IMPG2: variants seen among roughly 807,000 people sequenced by gnomAD.
IMPG2 encodes the protein interphotoreceptor matrix proteoglycan 2.
A neutral mutation model predicts 129.2 loss-of-function variants in IMPG2; 91 were observed. The observed-to-expected ratio is 0.70, with a 90% confidence interval of 0.59 to 0.84. The LOEUF (loss-of-function observed/expected upper bound fraction) is 0.84. Ranked by LOEUF, IMPG2 falls within the 40% of genes least tolerant of loss-of-function variation. IMPG2 has a pLI of 0.00. For missense variants in IMPG2, 1,430 were observed against 1,461.7 expected, an observed-to-expected ratio of 0.98 and a Z score of 0.35; for synonymous variants, 510 against 517.7, an observed-to-expected ratio of 0.99 and a Z score of 0.20.
rs1491501894 is a variant in IMPG2, at chr3:101,226,827, AAC to A, written c.*140_*141del. On this transcript the variant is annotated 3_prime_UTR_variant, in exon 19 of 19. Transcript: ENST00000193391. ...TTCTGAAAACTTAAGCTGAAAAAAA[AAC>A]AGTGTGCCCTATATTTAATTTTTTC... 2.6e-5 allele frequency: 21 copies of A among 803,638 alleles called. No individual in the cohort carries two copies. The highest frequency in any genetic ancestry group is 7.6e-5 in the East Asian group (3 of 39,276). The allele number at this position is 803,638 out of a possible 1,614,324, so 49.8% of individuals were successfully genotyped here. A position where few individuals can be genotyped will look rare whatever the true frequency, so the allele number is the denominator to read the frequency against.
At position 101,285,711 on chromosome 3, in the gene IMPG2, G is replaced by C. The variant is rs77873995; in HGVS notation, c.533+5768C>G. Among the ~76,000 whole-genome samples, 206 of 152,234 alleles carry C rather than the reference G, an allele frequency of 1.4e-3. 1 individual carries two copies. In the East Asian group the frequency reaches 0.028, roughly 21 times the overall value. On this transcript the variant is annotated intron_variant, in intron 4 of 18. Transcript: ENST00000193391. ...TTCTTCATTTGAAGTTAGTGCCTTT[G>C]AATTTCAGCAGATATGATTTTGAAA...
chr3:101,311,714 A>G lies in IMPG2; in HGVS notation c.335-7402T>C, dbSNP rs60762263. 3.0e-3 allele frequency among the ~76,000 whole-genome samples: 463 copies of G among 152,292 alleles called. 1 individual carries two copies. Among genetic ancestry groups the G allele is most frequent in the African/African-American group, 0.01 (434 of 41,574 alleles). Reference sequence around the variant, plus strand: ...CTTTGTAGAAACTGACAACCTTACTATAAAATTTATGTGGAATTGCAAGGG... The same window carrying G: ...CTTTGTAGAAACTGACAACCTTACTGTAAAATTTATGTGGAATTGCAAGGG... On this transcript the variant is annotated intron_variant, in intron 2 of 18. Transcript: ENST00000193391.
At chr3:101,237,281 T>C (rs1706357422) in intron 14 of IMPG2, among the ~76,000 whole-genome samples, 1 of 152,150 alleles carries the variant, frequency 6.6e-6, no homozygotes, top group South Asian at 2.1e-4. Context: ...GGGGCAGCTG[T>C]AGGCGCAGTT....
intron 9 of IMPG2, among the ~76,000 whole-genome samples, 157 bp from the exon 10 acceptor site, chr3:101,257,930 A>C (rs1334906179): frequency 6.6e-6 from 1 of 152,080 alleles, no homozygotes; most frequent in East Asian, 1.9e-4. Flanking sequence ...ACATTTTGCC[A>C]TCCTCTCCTC....
intron 2 of IMPG2, among the ~76,000 whole-genome samples, chr3:101,313,241 A>G (rs552127759): frequency 8.7e-4 from 132 of 152,152 alleles, no homozygotes; most frequent in Non-Finnish European, 1.4e-3. Flanking sequence ...CAGAATGGTT[A>G]CATGTTCTGA....
intron 7 of IMPG2, among the ~76,000 whole-genome samples, chr3:101,271,777 TAGA>T (rs1007051939): frequency 4.6e-5 from 7 of 152,182 alleles, no homozygotes; most frequent in Admixed American, 4.6e-4. Flanking sequence ...GGGGACTCTG[TAGA>T]AGAAGGAGTA....
At chr3:101,240,662 C>A (rs1006699015) in intron 14 of IMPG2, among the ~76,000 whole-genome samples, 1 of 152,166 alleles carries the variant, frequency 6.6e-6, no homozygotes, top group Non-Finnish European at 1.5e-5. Flanking sequence ...AAGAAGAAAT[C>A]ATTCCTTACA....
intron 3 of IMPG2, among the ~76,000 whole-genome samples, chr3:101,296,267 G>C (rs2107130621): frequency 6.6e-6 from 1 of 152,288 alleles, no homozygotes; most frequent in Non-Finnish European, 1.5e-5. Flanking sequence ...AGAGTTTTTA[G>C]CAGGAAGGGC....
chr3:101,316,903 G>A (rs948407971), intron 2 of IMPG2, among the ~76,000 whole-genome samples: 1 of 151,832 alleles, frequency 6.6e-6, no homozygotes, highest in South Asian at 2.1e-4. Context: ...ACAAACTATT[G>A]ATACACAAAA....
chr3:101,268,954 AG>A lies in IMPG2; in HGVS notation c.887+560del, dbSNP rs530161051. On this transcript the variant is annotated intron_variant, in intron 8 of 18. Coordinates refer to ENST00000193391, the MANE Select transcript of IMPG2 (RefSeq NM_016247.4). ...TCTATCCTGAGAGGGCTGAAGATTA[AG>A]TGAGCTCAGCAATGTGGCATACCCA... Among the ~76,000 whole-genome samples the A allele has an allele frequency of 2.6e-5, 4 of 152,352 alleles. No individual in the cohort carries two copies. The East Asian group carries it at 7.7e-4, about 29-fold the overall frequency.
At chr3:101,293,778 A>G (rs962195265) in intron 3 of IMPG2, among the ~76,000 whole-genome samples, 1 of 152,240 alleles carries the variant, frequency 6.6e-6, no homozygotes, top group Non-Finnish European at 1.5e-5. Flanking sequence ...ACAACTTGCT[A>G]CAGCTTCTGC....
At chr3:101,251,952 C>A (rs962036398) in intron 11 of IMPG2, among the ~76,000 whole-genome samples, 1 of 152,112 alleles carries the variant, frequency 6.6e-6, no homozygotes, top group Non-Finnish European at 1.5e-5. Flanking sequence ...ATTAATCATT[C>A]CTTGTTTTCA....
At position 101,244,282 on chromosome 3, in the gene IMPG2, A is replaced by T. The variant is rs1706447694; in HGVS notation, c.2049T>A (p.Ser683Arg). The T allele has an allele frequency of 6.2e-7, 1 of 1,614,040 alleles. No homozygotes were observed. The highest frequency in any genetic ancestry group is 8.5e-7 in the Non-Finnish European group (1 of 1,179,982). The stretch of plus-strand genomic sequence containing the variant: ...CTGCGAAGATGGGCACAGCAGGCCC[A>T]CTAAGAGGCTCTTCCTCTGGAAAGT... ...STHFPEEEPL[S>R]GPAVPIFADT... Residue 683 changes from serine to arginine, a missense_variant, in exon 13 of 19, where the codon AGT becomes AGA. Coordinates refer to ENST00000193391, the MANE Select transcript of IMPG2 (RefSeq NM_016247.4).
intron 11 of IMPG2, among the ~76,000 whole-genome samples, chr3:101,253,144 C>T (rs116284778): frequency 1.3e-3 from 193 of 152,134 alleles, no homozygotes; most frequent in African/African-American, 4.5e-3. Flanking sequence ...AAAGTTCATC[C>T]CATGCTGTTT....
At chr3:101,285,412 T>C (rs548391264) in intron 4 of IMPG2, among the ~76,000 whole-genome samples, 4 of 152,366 alleles carry the variant, frequency 2.6e-5, no homozygotes, top group Non-Finnish European at 4.4e-5. Flanking sequence ...CTAGGAATCC[T>C]ATTCTTGATC....
chr3:101,288,599 A>G (rs1706971717), intron 4 of IMPG2, among the ~76,000 whole-genome samples: 2 of 152,182 alleles, frequency 1.3e-5, no homozygotes, highest in South Asian at 4.1e-4. Flanking sequence ...TTAATGTAGG[A>G]ACAGAAAGCC....
chr3:101,276,561 G>T, intron 5 of IMPG2, 103 bp downstream of exon 5: 2 of 761,566 alleles, frequency 2.6e-6, no homozygotes, highest in Non-Finnish European at 4.5e-6. Context: ...AGAGAAATCT[G>T]ATATTTTTAA....
chr3:101,305,873 GA>G (rs1707184147), intron 2 of IMPG2, among the ~76,000 whole-genome samples: 2 of 152,256 alleles, frequency 1.3e-5, no homozygotes, highest in East Asian at 3.9e-4. Flanking sequence ...AACCATTTCA[GA>G]GGCGCAGGAC....
At chr3:101,230,895 G>T in intron 16 of IMPG2, 62 bp downstream of exon 16, 1 of 1,476,264 alleles carries the variant, frequency 6.8e-7, no homozygotes, top group Non-Finnish European at 9.4e-7. Flanking sequence ...CACCTGGTAA[G>T]TACTAAATAA....
Sources: gnomAD v4.1 joint callset for allele counts (sites outside exome capture counted in the v4.1 genomes callset) on GRCh38, gnomAD v4.1.1 for gene constraint, MANE v1.5 for transcripts, NCBI Gene and HGNC (gene_info 2026-07-23, HGNC 2026-07-21) for gene names.